ADGRF4: variants seen among roughly 807,000 people sequenced by gnomAD.
ADGRF4 encodes adhesion G protein-coupled receptor F4.
Under a neutral mutation model 58.5 loss-of-function variants are expected in ADGRF4, and 63 were observed. The observed-to-expected ratio is 1.08, with a 90% confidence interval of 0.88 to 1.33. ADGRF4 has a LOEUF of 1.33. Ranked by LOEUF, ADGRF4 falls within the 40% of genes most tolerant of loss-of-function variation. ADGRF4 has a pLI of 0.00. For synonymous variants in ADGRF4, 313 were observed against 295.4 expected (o/e 1.06, Z -0.61); for missense variants, 931 against 843.9 (o/e 1.10, Z -1.28).
chr6:47,699,903 TACACACACACAC>T (rs138771559), intron 1 of ADGRF4, among the ~76,000 whole-genome samples: 7 of 146,466 alleles, frequency 4.8e-5, no homozygotes, highest in South Asian at 4.3e-4. Flanking sequence ...CACACACACA[TACACACACACAC>T]ACACACACAG....
At chr6:47,710,252 G>A (rs889634489) in intron 3 of ADGRF4, among the ~76,000 whole-genome samples, 5 of 152,140 alleles carry the variant, frequency 3.3e-5, no homozygotes, top group African/African-American at 4.8e-5. Flanking sequence ...AATCAACTGT[G>A]TGTGAAAATA....
At chr6:47,718,798 T>A (rs1476516290) in intron 9 of ADGRF4, among the ~76,000 whole-genome samples, 1 of 152,178 alleles carries the variant, frequency 6.6e-6, no homozygotes, top group East Asian at 1.9e-4. Flanking sequence ...GCAACAGGTC[T>A]GTCTTTCTTA....
intron 3 of ADGRF4, among the ~76,000 whole-genome samples, chr6:47,708,558 G>A (rs1241353808): frequency 6.6e-6 from 1 of 152,208 alleles, no homozygotes; most frequent in Non-Finnish European, 1.5e-5. Flanking sequence ...AAAGTAATGA[G>A]TTAACAGGAG....
chr6:47,704,755 T>C (rs1771667243), intron 1 of ADGRF4, among the ~76,000 whole-genome samples: 1 of 152,206 alleles, frequency 6.6e-6, no homozygotes, highest in South Asian at 2.1e-4. Flanking sequence ...ATCAGAGTTC[T>C]TGCTTGTAGG....
chr6:47,708,765 T>G (rs1243605412), intron 3 of ADGRF4, among the ~76,000 whole-genome samples: 1 of 152,166 alleles, frequency 6.6e-6, no homozygotes, highest in African/African-American at 2.4e-5. Context: ...TTCAGTGAAA[T>G]CATGTGGTTC....
In ADGRF4 at chr6:47,713,861, C is replaced by A. The variant is rs763175175; in HGVS notation, c.616C>A (p.Pro206Thr). The A allele has an allele frequency of 1.3e-6, 2 of 1,598,506 alleles. No homozygotes were observed. Among genetic ancestry groups the A allele is most frequent in the Non-Finnish European group, 1.7e-6 (2 of 1,173,192 alleles). The change falls in exon 6 of 10, where the codon CCC (proline) becomes ACC (threonine). Residue 206 changes from proline (P) to threonine (T), a missense_variant. Coordinates refer to ENST00000283303, the MANE Select transcript of ADGRF4 (RefSeq NM_153838.5). The stretch of plus-strand genomic sequence containing the variant: ...AGCCATTTCAAACTGGGCTTTCATT[C>A]CCAACAAAAATGCCAGCTCGGATTT... ...TAAISNWAFIPNKNASSDLLQ... is the reference protein window; with the variant it reads ...TAAISNWAFITNKNASSDLLQ...
intron 6 of ADGRF4, chr6:47,715,663 G>T (rs1335405368): frequency 6.5e-6 from 1 of 153,532 alleles, no homozygotes; most frequent in African/African-American, 2.4e-5. Flanking sequence ...AAAATAAATT[G>T]TTATTTATAG....
intron 1 of ADGRF4, among the ~76,000 whole-genome samples, chr6:47,702,172 C>T (rs1771605251): frequency 6.6e-6 from 1 of 152,108 alleles, no homozygotes; most frequent in Non-Finnish European, 1.5e-5. Context: ...ATTGGTAAAT[C>T]CTGGGTGAAA....
intron 1 of ADGRF4, among the ~76,000 whole-genome samples, chr6:47,703,473 C>T (rs1165480389): frequency 1.3e-5 from 2 of 152,192 alleles, no homozygotes; most frequent in Non-Finnish European, 1.5e-5. Flanking sequence ...TCTAATCCAT[C>T]GCTGCCAATC....
At chr6:47,705,488 T>TCATGCTGC (rs1218497291) in intron 1 of ADGRF4, among the ~76,000 whole-genome samples, 5 of 152,334 alleles carry the variant, frequency 3.3e-5, no homozygotes, top group African/African-American at 1.2e-4. Flanking sequence ...ACCTTGCCTG[T>TCATGCTGC]CATGCTGCCA....
intron 1 of ADGRF4, among the ~76,000 whole-genome samples, chr6:47,700,173 C>A (rs1279568756): frequency 1.3e-5 from 2 of 152,164 alleles, no homozygotes; most frequent in East Asian, 1.9e-4. Context: ...TGGCCATTCA[C>A]CTTAGGGTGT....
rs560814043 is a variant in ADGRF4 at position 47,701,319 on chromosome 6, A to G, written c.-17+2525A>G. 1.8e-4 allele frequency among the ~76,000 whole-genome samples: 27 copies of G among 152,296 alleles called. 1 individual carries two copies. In the Middle Eastern group the frequency reaches 0.034, roughly 192 times the overall value. ...ATAGTGGGTAATTAACACTTTTATA[A>G]TCATGCACAGAAAGAGGCGGGTTAT... On this transcript the variant is annotated intron_variant, in intron 1 of 9. Coordinates refer to ENST00000283303, the MANE Select transcript of ADGRF4 (RefSeq NM_153838.5).
Position 47,710,720 on chromosome 6 carries a change from T to C in ADGRF4, c.149-15T>C, listed in dbSNP as rs762162451. 5 of 233,422 alleles carry C rather than the reference T, an allele frequency of 2.1e-5. No homozygotes were observed. Among genetic ancestry groups the C allele is most frequent in the African/African-American group, 2.1e-4 (4 of 19,402 alleles). The allele number at this position is 233,422 out of a possible 1,614,324, so 14.5% of individuals were successfully genotyped here. A position where few individuals can be genotyped will look rare whatever the true frequency, so the allele number is the denominator to read the frequency against. On this transcript the variant is annotated splice_polypyrimidine_tract_variant and intron_variant, in intron 3 of 9. Coordinates refer to ENST00000283303, the MANE Select transcript of ADGRF4 (RefSeq NM_153838.5). ...GGGCTCCTGTCTCTCTCTCTTTCTCTTTTTTTCTTTATAGAGAAATGCGAA... is the reference window on the plus strand; with the variant it reads ...GGGCTCCTGTCTCTCTCTCTTTCTCCTTTTTTCTTTATAGAGAAATGCGAA...
At chr6:47,700,677 T>A (rs1771570112) in intron 1 of ADGRF4, among the ~76,000 whole-genome samples, 1 of 152,140 alleles carries the variant, frequency 6.6e-6, no homozygotes, top group African/African-American at 2.4e-5. Context: ...GGCAGTACAA[T>A]AAAGAGGAGG....
chr6:47,716,799 G>T lies in ADGRF4; in HGVS notation c.1933-7G>T, dbSNP rs112134528. The stretch of plus-strand genomic sequence containing the variant: ...ATCCCTCATGAATCTGTTCAATTTT[G>T]CCACAGGGTTTTTTCATCCTGCTGT... On this transcript the variant is annotated splice_polypyrimidine_tract_variant and splice_region_variant and intron_variant, in intron 6 of 9. Transcript: ENST00000283303. 3,464 of 1,598,022 alleles carry T rather than the reference G, an allele frequency of 2.2e-3. 62 individuals carry two copies. In the African/African-American group the frequency reaches 0.039, roughly 18 times the overall value.
Position 47,712,342 on chromosome 6 carries a change from A to G in ADGRF4, c.301-15A>G, listed in dbSNP as rs1771891842. 8 of 1,612,034 alleles carry G rather than the reference A, an allele frequency of 5.0e-6. No individual in the cohort carries two copies. Among genetic ancestry groups the G allele is most frequent in the South Asian group, 1.1e-5 (1 of 90,896 alleles). ...CTTAATCATTTTTGAATGAAACTAC[A>G]TTTGTTTTAAACAGGACTCAACTGG... On this transcript the variant is annotated splice_polypyrimidine_tract_variant and intron_variant, in intron 4 of 9. Coordinates refer to ENST00000283303, the MANE Select transcript of ADGRF4 (RefSeq NM_153838.5).
At position 47,713,929 on chromosome 6, in the gene ADGRF4, C is replaced by G. The variant is rs569726008; in HGVS notation, c.684C>G (p.His228Gln). Reference sequence around the variant, plus strand: ...TGTTTGCCAGACAACTCCACATCCACAATAATTCTGAGAACATTGTGAATG... The same window carrying G: ...TGTTTGCCAGACAACTCCACATCCAGAATAATTCTGAGAACATTGTGAATG... ...VNLFARQLHI[H>Q]NNSENIVNEL... The change falls in exon 6 of 10, where the codon CAC (histidine) becomes CAG (glutamine). Residue 228 changes from histidine to glutamine, a missense_variant. Transcript: ENST00000283303. 2.5e-6 allele frequency: 4 copies of G among 1,610,386 alleles called. No homozygotes were observed. The South Asian group carries it at 4.4e-5, about 18-fold the overall frequency.
chr6:47,704,033 C>T (rs1490503072), intron 1 of ADGRF4, among the ~76,000 whole-genome samples: 1 of 151,972 alleles, frequency 6.6e-6, no homozygotes, highest in African/African-American at 2.4e-5. Context: ...CTCCTGAAGC[C>T]TCAGATAACA....
intron 8 of ADGRF4, among the ~76,000 whole-genome samples, chr6:47,717,944 A>C (rs1478714630): frequency 6.6e-6 from 1 of 152,224 alleles, no homozygotes; most frequent in Non-Finnish European, 1.5e-5. Context: ...ATACTACTTT[A>C]TTAATTAGAA....
Sources: gnomAD v4.1 joint callset for allele counts (sites outside exome capture counted in the v4.1 genomes callset) on GRCh38, gnomAD v4.1.1 for gene constraint, MANE v1.5 for transcripts, NCBI Gene and HGNC (gene_info 2026-07-23, HGNC 2026-07-21) for gene names.